Variants in FER1L6 observed in about 807,000 individuals in gnomAD.
FER1L6 encodes fer-1 like family member 6.
Under a neutral mutation model 219.2 loss-of-function variants are expected in FER1L6, and 177 were observed. The observed-to-expected ratio is 0.81, with a 90% CI of 0.71 to 0.91. The LOEUF (loss-of-function observed/expected upper bound fraction) is 0.91, where lower values mean the gene tolerates loss of function less well. FER1L6 is among the 40% of genes least tolerant of loss of function. FER1L6 has a pLI of 0.00. For synonymous variants in FER1L6, 768 were observed against 824.3 expected (o/e 0.93, Z 1.17); for missense variants, 2,153 against 2,259.9 (o/e 0.95, Z 0.96).
chr8:124,095,385 T>C (rs575412717), intron 35 of FER1L6, among the ~76,000 whole-genome samples: 8 of 152,312 alleles, frequency 5.3e-5, no homozygotes, highest in Admixed American at 1.3e-4. Context: ...TGGAAGAATA[T>C]TGGACATTTG....
At chr8:124,028,529 G>A (rs941279607) in intron 18 of FER1L6, among the ~76,000 whole-genome samples, 9 of 150,810 alleles carry the variant, frequency 6.0e-5, no homozygotes, top group African/African-American at 1.9e-4. Flanking sequence ...AATAGGAAGT[G>A]AAGGTGGGCG....
rs545923671 is a variant in FER1L6, at chr8:124,035,572, GTCT to G, written c.2464+123_2464+125del. ...ACATTATTTTAGGGCCAACTTATTG[GTCT>G]TCTTAAGTAAAGTACAGTTTCTAAG... On this transcript the variant is annotated intron_variant, in intron 19 of 40. Coordinates refer to ENST00000522917, the MANE Select transcript of FER1L6 (RefSeq NM_001039112.2). 159 of 938,552 alleles carry G rather than the reference GTCT, an allele frequency of 1.7e-4. 1 individual carries two copies. The South Asian group carries it at 2.7e-3, about 16-fold the overall frequency. 58.1% of individuals were successfully genotyped at this position (938,552 alleles called of 1,614,324 possible). A position where few individuals can be genotyped will look rare whatever the true frequency, so the allele number is the denominator to read the frequency against.
At chr8:124,072,316 C>T (rs1821114399) in intron 31 of FER1L6, among the ~76,000 whole-genome samples, 1 of 152,180 alleles carries the variant, frequency 6.6e-6, no homozygotes, top group Admixed American at 6.5e-5. Context: ...CTCTAAGCTT[C>T]CCTCTTTCTG....
chr8:124,012,757 C>T (rs1818000432), intron 14 of FER1L6, among the ~76,000 whole-genome samples: 1 of 152,162 alleles, frequency 6.6e-6, no homozygotes, highest in African/African-American at 2.4e-5. Context: ...GAACATATGT[C>T]CCTAGGCACG....
chr8:123,885,800 C>T (rs974613332), intron 1 of FER1L6, among the ~76,000 whole-genome samples: 18 of 152,152 alleles, frequency 1.2e-4, no homozygotes, highest in African/African-American at 3.9e-4. Context: ...TTCTTGAGCC[C>T]AGGTGCAAGT....
At chr8:123,943,677 G>A (rs1288911886) in intron 1 of FER1L6, among the ~76,000 whole-genome samples, 2 of 152,140 alleles carry the variant, frequency 1.3e-5, no homozygotes, top group Non-Finnish European at 1.5e-5. Flanking sequence ...CTTGCTGGTC[G>A]AGGTGAGGTC....
At chr8:123,888,638 CT>C (rs1817248640) in intron 1 of FER1L6, among the ~76,000 whole-genome samples, 1 of 152,152 alleles carries the variant, frequency 6.6e-6, no homozygotes, top group African/African-American at 2.4e-5. Flanking sequence ...AAAAATCAAA[CT>C]GCCTTGGAAA....
chr8:124,050,076 G>A (rs966367515), intron 22 of FER1L6, among the ~76,000 whole-genome samples: 3 of 152,200 alleles, frequency 2.0e-5, no homozygotes, highest in African/African-American at 7.2e-5. Flanking sequence ...AAACAGAGAG[G>A]AAGCAAACAT....
Position 124,101,276 on chromosome 8 carries a change from C to T in FER1L6, c.5063C>T (p.Thr1688Ile). ...IFSLEKMECK[T>I]PAVLVLQVWD... The stretch of plus-strand genomic sequence containing the variant: ...TCTTTAGAGAAGATGGAGTGTAAGA[C>T]TCCTGCTGTGTTGGTGCTGCAGGTT... Residue 1688 changes from threonine to isoleucine, a missense_variant, in exon 38 of 41, where the codon ACT becomes ATT. Transcript: ENST00000522917. 2 of 1,613,756 alleles carry T rather than the reference C, an allele frequency of 1.2e-6. No individual in the cohort carries two copies. The highest frequency in any genetic ancestry group is 1.1e-5 in the South Asian group (1 of 91,076).
In FER1L6 at chr8:123,955,249, A is replaced by G. The variant is rs75184057; in HGVS notation, c.-7-743A>G. Reference sequence around the variant, plus strand: ...GCGCCACTGTTCTCCAGCTTGGGCAACAGAGCAAGACTCCATCTGGGGGTT... The same window carrying G: ...GCGCCACTGTTCTCCAGCTTGGGCAGCAGAGCAAGACTCCATCTGGGGGTT... On this transcript the variant is annotated intron_variant, in intron 1 of 40. Coordinates refer to ENST00000522917, the MANE Select transcript of FER1L6 (RefSeq NM_001039112.2). 8.7e-4 allele frequency among the ~76,000 whole-genome samples: 132 copies of G among 152,272 alleles called. 1 individual carries two copies. The highest frequency in any genetic ancestry group is 3.0e-3 in the African/African-American group (125 of 41,552).
chr8:124,106,351 A>AAAC (rs1822774632), intron 39 of FER1L6, among the ~76,000 whole-genome samples: 4 of 150,682 alleles, frequency 2.7e-5, no homozygotes, highest in Admixed American at 2.6e-4. Flanking sequence ...AAAAAAAAAA[A>AAAC]AAAAAAAAAA....
At chr8:124,067,591 T>G (rs1820880707) in intron 27 of FER1L6, among the ~76,000 whole-genome samples, 176 bp from the exon 28 acceptor site, 1 of 152,214 alleles carries the variant, frequency 6.6e-6, no homozygotes, top group Non-Finnish European at 1.5e-5. Context: ...GGCATCCTAT[T>G]GGGCTTAACC....
intron 12 of FER1L6, among the ~76,000 whole-genome samples, chr8:123,995,207 G>A (rs1355423246): frequency 6.6e-6 from 1 of 152,200 alleles, no homozygotes; most frequent in Non-Finnish European, 1.5e-5. Flanking sequence ...CCAAGTGGGA[G>A]AGTCATGGTA....
At chr8:124,017,948 A>G (rs560128541) in intron 16 of FER1L6, among the ~76,000 whole-genome samples, 123 of 152,308 alleles carry the variant, frequency 8.1e-4, no homozygotes, top group Middle Eastern at 6.8e-3. Flanking sequence ...TCTGATGGAG[A>G]ATAGGTGACC....
intron 1 of FER1L6, among the ~76,000 whole-genome samples, chr8:123,870,627 G>A (rs1004236941): frequency 6.6e-6 from 1 of 152,172 alleles, no homozygotes; most frequent in East Asian, 1.9e-4. Flanking sequence ...ATGATAAATA[G>A]GTCACAGTTG....
chr8:124,073,626 T>C (rs183531923), intron 31 of FER1L6, among the ~76,000 whole-genome samples: 39 of 152,302 alleles, frequency 2.6e-4, no homozygotes, highest in Admixed American at 2.4e-3. Context: ...TTAGTATGTA[T>C]AGGTCTTCAT....
Position 124,028,263 on chromosome 8 carries a change from C to G in FER1L6, c.2286+4667C>G, listed in dbSNP as rs189253380. ...TATTTTCCTTTTGCCATTGGAATTG[C>G]TCTGGGCAGTAGCTTTCTGGATCTT... On this transcript the variant is annotated intron_variant, in intron 18 of 40. Transcript: ENST00000522917. Among the ~76,000 whole-genome samples the G allele has an allele frequency of 3.3e-3, 507 of 152,304 alleles. 1 individual carries two copies. Among genetic ancestry groups the G allele is most frequent in the African/African-American group, 0.012 (486 of 41,562 alleles).
chr8:124,078,490 C>T (rs1248041445), intron 32 of FER1L6, among the ~76,000 whole-genome samples: 1 of 152,130 alleles, frequency 6.6e-6, no homozygotes, highest in African/African-American at 2.4e-5. Flanking sequence ...CATGACATGC[C>T]TTTTCTTTTC....
intron 19 of FER1L6, 127 bp downstream of exon 19, chr8:124,035,581 A>G: frequency 1.2e-6 from 1 of 854,272 alleles, no homozygotes; most frequent in Non-Finnish European, 1.8e-6. Context: ...GGTCTTCTTA[A>G]GTAAAGTACA....
Sources: allele counts gnomAD v4.1 joint callset (sites outside exome capture counted in the v4.1 genomes callset), GRCh38; gene constraint gnomAD v4.1.1; transcripts MANE v1.5; gene names NCBI Gene and HGNC (gene_info 2026-07-23, HGNC 2026-07-21).